CCDC102A: variants seen among roughly 807,000 people sequenced by gnomAD.
CCDC102A encodes the protein coiled-coil domain containing 102A, also known as coiled-coil domain-containing protein 102A.
A neutral mutation model predicts 55.5 loss-of-function variants in CCDC102A; 40 were observed. The observed-to-expected ratio is 0.72, with a 90% confidence interval of 0.56 to 0.94. The LOEUF is 0.94. Ranked by LOEUF, CCDC102A falls within the 40% of genes least tolerant of loss-of-function variation. The probability of loss-of-function intolerance (pLI) is 0.00; values close to 1 mark genes in which losing one functional copy is unlikely to be tolerated. For missense variants in CCDC102A, 779 were observed against 768.6 expected (o/e 1.01, Z -0.16); for synonymous variants, 323 against 339.0 (o/e 0.95, Z 0.52).
chr16:57,527,810 T>C (rs1300759604), intron 2 of CCDC102A, among the ~76,000 whole-genome samples: 1 of 152,252 alleles, frequency 6.6e-6, no homozygotes, highest in African/African-American at 2.4e-5. Context: ...ATAACGCACA[T>C]GCTCGGCTAA....
Position 57,529,580 on chromosome 16 carries a change from C to T in CCDC102A, c.-147-256G>A, listed in dbSNP as rs1158214838. 6.6e-6 allele frequency among the ~76,000 whole-genome samples: 1 copy of T among 152,198 alleles called. No individual in the cohort carries two copies. On this transcript the variant is annotated intron_variant, in intron 1 of 8. Transcript: ENST00000258214. This position sits in a 1 kb window ranked among gnomAD's most constrained non-coding sequence, Gnocchi z 4.1. ...GATCTGTTCTTTATTCTCCCGGTCC[C>T]GGCTCACACACTGATGGCTTATACT... is the stretch of plus-strand genomic sequence containing the variant.
At chr16:57,519,456 A>C (rs981052765) in intron 4 of CCDC102A, among the ~76,000 whole-genome samples, 3 of 152,198 alleles carry the variant, frequency 2.0e-5, no homozygotes, top group African/African-American at 7.2e-5. Context: ...GGCCGCCCTC[A>C]GTGTACAGTG....
intron 2 of CCDC102A, 73 bp downstream of exon 2, chr16:57,528,520 G>A (rs1258637318): frequency 4.8e-6 from 5 of 1,047,086 alleles, no homozygotes; most frequent in African/African-American, 1.7e-5. Context: ...TTGTTTCTGA[G>A]CCCAGCAGCT....
At chr16:57,533,659 G>T (rs112330142) in intron 1 of CCDC102A, among the ~76,000 whole-genome samples, 2 of 140,544 alleles carry the variant, frequency 1.4e-5, no homozygotes, top group African/African-American at 5.4e-5. Context: ...CACATGGCCC[G>T]AGGGACCTGC....
intron 3 of CCDC102A, 109 bp downstream of exon 3, chr16:57,525,792 C>T (rs1011331444): frequency 8.4e-5 from 81 of 966,254 alleles, no homozygotes; most frequent in Non-Finnish European, 1.2e-4. Flanking sequence ...TTCCAAGATA[C>T]AGTCTAAACA....
At chr16:57,524,715 A>AT (rs1555519651) in intron 3 of CCDC102A, among the ~76,000 whole-genome samples, 1 of 132,336 alleles carries the variant, frequency 7.6e-6, no homozygotes, top group Admixed American at 7.0e-5. Context: ...CATTATATTG[A>AT]TTTTTTAAAA....
rs771426175 is a variant in CCDC102A, at chr16:57,518,172, C to T, written c.1144G>A (p.Val382Ile). The T allele has an allele frequency of 3.1e-6, 5 of 1,612,506 alleles. No homozygotes were observed. Among genetic ancestry groups the T allele is most frequent in the Non-Finnish European group, 4.2e-6 (5 of 1,179,884 alleles). ...GCCAGCGCCTCCTCCAGGTCTCCGA[C>T]CTGTGCCCGCAGCTTCTTGTTCTCC... is the stretch of plus-strand genomic sequence containing the variant. ...ERENKKLRAQ[V>I]GDLEEALARR... The change falls in exon 6 of 9, where the codon GTC becomes ATC. Residue 382 changes from valine (V) to isoleucine (I), a missense_variant. Val to Ile is a conservative substitution (Grantham distance 29). Coordinates refer to ENST00000258214, the MANE Select transcript of CCDC102A (RefSeq NM_033212.4).
rs200022913 is a variant in CCDC102A, at chr16:57,521,057, C to T, written c.921+11G>A. ...CGCCTCCAGGAAGACCCTCTGGTCTCCAAGACTCACCTGCTTGAGCATCTC... is the reference window on the plus strand; with the variant it reads ...CGCCTCCAGGAAGACCCTCTGGTCTTCAAGACTCACCTGCTTGAGCATCTC... On this transcript the variant is annotated intron_variant, in intron 4 of 8. Transcript: ENST00000258214. 71 of 1,596,630 alleles carry T rather than the reference C, an allele frequency of 4.4e-5. No homozygotes were observed. The East Asian group carries it at 1.6e-3, about 36-fold the overall frequency.
At chr16:57,518,509 C>A in intron 5 of CCDC102A, 116 bp downstream of exon 5, 1 of 904,418 alleles carries the variant, frequency 1.1e-6, no homozygotes, top group Non-Finnish European at 1.7e-6. Context: ...TTGGATGTGG[C>A]TGGCCCCGCT....
chr16:57,522,765 TAACTATCG>T (rs1327856542), intron 3 of CCDC102A, among the ~76,000 whole-genome samples: 1 of 152,260 alleles, frequency 6.6e-6, no homozygotes, highest in Non-Finnish European at 1.5e-5. Flanking sequence ...TTTGCTGTTA[TAACTATCG>T]TCACTATCAT....
chr16:57,524,583 AT>A (rs531754751), intron 3 of CCDC102A, among the ~76,000 whole-genome samples: 11,669 of 81,094 alleles, frequency 0.14, 577 homozygotes, highest in East Asian at 0.2. Context: ...TCTAAAAAAA[AT>A]ATATATATAT....
rs779045568 is a variant in CCDC102A at position 57,518,215 on chromosome 16, C to T, written c.1101G>A (p.Glu367=). Residue 367 remains glutamate, a synonymous_variant, in exon 6 of 9, where the codon GAG becomes GAA. Coordinates refer to ENST00000258214, the MANE Select transcript of CCDC102A (RefSeq NM_033212.4). ...TGTTCTCCCGCTCAAGGCCCAGTTT[C>T]TCTGTCTCCAGCCGCTCCCGGCGGC... ...EWGRRERLET[E]KLGLERENKK... 1 of 1,612,590 alleles carries T rather than the reference C, an allele frequency of 6.2e-7. No homozygotes were observed. Among genetic ancestry groups the T allele is most frequent in the East Asian group, 2.2e-5 (1 of 44,888 alleles).
chr16:57,512,519 C>CGT lies in CCDC102A; in HGVS notation c.*221_*222insAC. ...GTCCAAAGACTTCTGGGTGTGCGCG[C>CGT]GCGCGCGCGCGTGTGTGTATATATA... On this transcript the variant is annotated 3_prime_UTR_variant, in exon 9 of 9. Coordinates refer to ENST00000258214, the MANE Select transcript of CCDC102A (RefSeq NM_033212.4). The CGT allele has an allele frequency of 4.3e-6, 2 of 463,080 alleles. No individual in the cohort carries two copies. Among genetic ancestry groups the CGT allele is most frequent in the Non-Finnish European group, 7.4e-6 (2 of 270,668 alleles). 28.7% of individuals were successfully genotyped at this position (463,080 alleles called of 1,614,324 possible).
chr16:57,512,191 C>A lies in CCDC102A; in HGVS notation c.*550G>T. 1 of 368,850 alleles carries A rather than the reference C, an allele frequency of 2.7e-6. No homozygotes were observed. Among genetic ancestry groups the A allele is most frequent in the Non-Finnish European group, 4.8e-6 (1 of 208,494 alleles). 22.8% of individuals were successfully genotyped at this position (368,850 alleles called of 1,614,324 possible). A position where few individuals can be genotyped will look rare whatever the true frequency, so the allele number is the denominator to read the frequency against. On this transcript the variant is annotated 3_prime_UTR_variant, in exon 9 of 9. Coordinates refer to ENST00000258214, the MANE Select transcript of CCDC102A (RefSeq NM_033212.4). Reference sequence around the variant, plus strand: ...ATTCATTCTTTCTTCTTCACATTCACTCATTTATTAAGTTACTTGACATTC... The same window carrying A: ...ATTCATTCTTTCTTCTTCACATTCAATCATTTATTAAGTTACTTGACATTC...
chr16:57,530,869 C>G (rs754793511), intron 1 of CCDC102A, among the ~76,000 whole-genome samples: 1 of 151,946 alleles, frequency 6.6e-6, no homozygotes, highest in South Asian at 2.1e-4. Flanking sequence ...CTCTGTCACC[C>G]GGCCACCTGT....
intron 1 of CCDC102A, among the ~76,000 whole-genome samples, chr16:57,534,677 G>T (rs753924217): frequency 6.6e-6 from 1 of 152,166 alleles, no homozygotes; most frequent in Non-Finnish European, 1.5e-5. Context: ...GTACCCCTAA[G>T]AAGGTGGTAC....
rs754779785 is a variant in CCDC102A at position 57,518,254 on chromosome 16, G to A, written c.1062C>T (p.Asn354=). Residue 354 remains asparagine (N), a synonymous_variant, in exon 6 of 9, where the codon AAC becomes AAT. Transcript: ENST00000258214. ...RGEMERLQAE[N]AAEWGRRERL... ...GCTCCCGGCGGCCCCACTCCGCAGC[G>A]TTTTCGGCCTGCAGCCGCTCCATCT... The A allele has an allele frequency of 7.5e-6, 12 of 1,610,276 alleles. No homozygotes were observed. In the East Asian group the frequency reaches 8.9e-5, roughly 12 times the overall value.
At chr16:57,517,252 C>T (rs1199826528) in intron 6 of CCDC102A, among the ~76,000 whole-genome samples, 1 of 152,214 alleles carries the variant, frequency 6.6e-6, no homozygotes, top group African/African-American at 2.4e-5. Context: ...TCACCACGGA[C>T]ATTTATTCAT....
chr16:57,534,964 T>C (rs1320409865), intron 1 of CCDC102A, among the ~76,000 whole-genome samples: 1 of 152,214 alleles, frequency 6.6e-6, no homozygotes, highest in Non-Finnish European at 1.5e-5. Context: ...TGCCAAGGCC[T>C]GGACAGGGGC....
Sources: allele counts gnomAD v4.1 joint callset (sites outside exome capture counted in the v4.1 genomes callset), GRCh38; gene constraint gnomAD v4.1.1; non-coding constraint Gnocchi (gnomAD v3.1); transcripts MANE v1.5; gene names NCBI Gene and HGNC (gene_info 2026-07-23, HGNC 2026-07-21).